Variants in ZNF385B observed in about 807,000 individuals in gnomAD.
ZNF385B encodes the protein zinc finger protein 385B, also known as zinc finger protein 533.
Under a neutral mutation model 39.2 loss-of-function variants are expected in ZNF385B, and 23 were observed. The ratio of observed to expected loss-of-function variants is 0.59; its 90% confidence interval spans 0.42 to 0.83. The LOEUF is 0.83. ZNF385B is among the 40% of genes least tolerant of loss of function. The pLI is 0.00. For synonymous variants in ZNF385B, 205 were observed against 222.6 expected (o/e 0.92, Z 0.70); for missense variants, 552 against 598.9 (o/e 0.92, Z 0.82).
intron 3 of ZNF385B, among the ~76,000 whole-genome samples, chr2:179,705,016 T>C (rs1018375405): frequency 1.3e-5 from 2 of 151,968 alleles, no homozygotes; most frequent in Non-Finnish European, 2.9e-5. Flanking sequence ...CTCTGCCCCC[T>C]TTTTTTCCCC....
intron 6 of ZNF385B, among the ~76,000 whole-genome samples, chr2:179,455,380 T>C (rs944577456): frequency 6.6e-6 from 1 of 152,036 alleles, no homozygotes; most frequent in Non-Finnish European, 1.5e-5. Flanking sequence ...GGGGGCATGA[T>C]TACCTCCATG....
At chr2:179,524,478 G>C (rs2058734644) in intron 4 of ZNF385B, among the ~76,000 whole-genome samples, 1 of 143,388 alleles carries the variant, frequency 7.0e-6, no homozygotes, top group East Asian at 2.2e-4. Context: ...CGTGAACCTG[G>C]GAGGCAGAGC....
chr2:179,722,048 C>T (rs1700728726), intron 3 of ZNF385B, among the ~76,000 whole-genome samples: 1 of 152,030 alleles, frequency 6.6e-6, no homozygotes, highest in Admixed American at 6.6e-5. Flanking sequence ...TCAATTGCCT[C>T]TCTATGTATT....
At chr2:179,501,679 A>C (rs1332051544) in intron 5 of ZNF385B, among the ~76,000 whole-genome samples, 1 of 152,208 alleles carries the variant, frequency 6.6e-6, no homozygotes, top group Non-Finnish European at 1.5e-5. Flanking sequence ...ACAGCACGAT[A>C]GGGTGACTAT....
Position 179,581,721 on chromosome 2 carries a change from T to C in ZNF385B, c.299-36752A>G, listed in dbSNP as rs181188392. ...TACAGAAAGCATTTCCCAGAATTCC[T>C]TGCAGCTAGCTGGGACCACATGACT... On this transcript the variant is annotated intron_variant, in intron 3 of 9. Transcript: ENST00000410066. Among the ~76,000 whole-genome samples the C allele has an allele frequency of 4.6e-5, 7 of 152,318 alleles. No individual in the cohort carries two copies. The East Asian group carries it at 1.4e-3, about 29-fold the overall frequency.
chr2:179,517,177 T>C (rs1365526318), intron 5 of ZNF385B, among the ~76,000 whole-genome samples: 2 of 151,910 alleles, frequency 1.3e-5, no homozygotes, highest in East Asian at 1.9e-4. Context: ...TCAGGAAGCA[T>C]TAAGTCTTCA....
chr2:179,833,516 C>A (rs1708091467), intron 1 of ZNF385B, among the ~76,000 whole-genome samples: 1 of 152,054 alleles, frequency 6.6e-6, no homozygotes, highest in South Asian at 2.1e-4. Flanking sequence ...TTGGATGGCC[C>A]TTTAGAGTTC....
chr2:179,763,787 T>A (rs974357943), intron 3 of ZNF385B, among the ~76,000 whole-genome samples: 1 of 152,220 alleles, frequency 6.6e-6, no homozygotes, highest in African/African-American at 2.4e-5. Flanking sequence ...GTTGTTTTTC[T>A]ACTACTAATT....
chr2:179,601,418 A>G (rs1450369638), intron 3 of ZNF385B, among the ~76,000 whole-genome samples: 1 of 152,190 alleles, frequency 6.6e-6, no homozygotes, highest in Non-Finnish European at 1.5e-5. Context: ...ACTGGGTAAC[A>G]GCTATAGAGT....
At chr2:179,718,664 C>T (rs1480847717) in intron 3 of ZNF385B, among the ~76,000 whole-genome samples, 1 of 150,534 alleles carries the variant, frequency 6.6e-6, no homozygotes, top group Non-Finnish European at 1.5e-5. Context: ...ATTATGAATG[C>T]CTGGCTTTTA....
chr2:179,640,606 AAG>A (rs1390722864), intron 3 of ZNF385B, among the ~76,000 whole-genome samples: 1 of 152,146 alleles, frequency 6.6e-6, no homozygotes, highest in Non-Finnish European at 1.5e-5. Flanking sequence ...TCAAAATAAA[AAG>A]AAAATTATAA....
In ZNF385B at chr2:179,829,725, C is replaced by G. The variant is rs368297893; in HGVS notation, c.-155+31376G>C. ...AGACGGGGTTTCACCGTGTTAGCCA[C>G]GATGGTCTCGATCTCCTGACCTCGT... On this transcript the variant is annotated intron_variant, in intron 1 of 9. Coordinates refer to ENST00000410066, the MANE Select transcript of ZNF385B (RefSeq NM_152520.6). 2.4e-3 allele frequency among the ~76,000 whole-genome samples: 371 copies of G among 152,138 alleles called. 3 individuals are homozygous for G. In the South Asian group the frequency reaches 0.029, roughly 12 times the overall value.
intron 3 of ZNF385B, among the ~76,000 whole-genome samples, chr2:179,757,223 G>T (rs1451776738): frequency 1.3e-5 from 2 of 152,178 alleles, no homozygotes; most frequent in East Asian, 3.9e-4. Context: ...TTTGCTGGAG[G>T]TCCACTCCAG....
At chr2:179,478,349 TAATC>T (rs1225344490) in intron 6 of ZNF385B, among the ~76,000 whole-genome samples, 11 of 152,352 alleles carry the variant, frequency 7.2e-5, no homozygotes, top group African/African-American at 2.6e-4. Context: ...TTAGTATAGA[TAATC>T]AATATTTGTT....
chr2:179,631,413 C>T (rs972267544), intron 3 of ZNF385B, among the ~76,000 whole-genome samples: 1 of 152,120 alleles, frequency 6.6e-6, no homozygotes, highest in Non-Finnish European at 1.5e-5. Flanking sequence ...TCATATCCAG[C>T]CAAACTAAGC....
chr2:179,681,508 G>T (rs569090913), intron 3 of ZNF385B, among the ~76,000 whole-genome samples: 1 of 152,102 alleles, frequency 6.6e-6, no homozygotes, highest in East Asian at 1.9e-4. Context: ...TAGACAAATG[G>T]ATTGAAATAC....
At chr2:179,573,021 T>C (rs1685406744) in intron 3 of ZNF385B, among the ~76,000 whole-genome samples, 1 of 152,220 alleles carries the variant, frequency 6.6e-6, no homozygotes, top group Non-Finnish European at 1.5e-5. Flanking sequence ...ATTTTCCCAA[T>C]TATATTTGAT....
intron 3 of ZNF385B, among the ~76,000 whole-genome samples, chr2:179,599,114 T>C (rs1688219384): frequency 6.6e-6 from 1 of 152,236 alleles, no homozygotes; most frequent in Non-Finnish European, 1.5e-5. Flanking sequence ...CAATGGTCCC[T>C]TAAGATTATA....
chr2:179,809,782 C>T (rs1304440466), intron 1 of ZNF385B, among the ~76,000 whole-genome samples: 1 of 151,930 alleles, frequency 6.6e-6, no homozygotes, highest in Admixed American at 6.6e-5. Flanking sequence ...AATCATGACC[C>T]TGAATTATCG....
Sources: allele counts gnomAD v4.1 joint callset (sites outside exome capture counted in the v4.1 genomes callset), GRCh38; gene constraint gnomAD v4.1.1; transcripts MANE v1.5; gene names NCBI Gene and HGNC (gene_info 2026-07-23, HGNC 2026-07-21).